APOOL: variants seen among roughly 807,000 people sequenced by gnomAD.
The protein encoded by APOOL is MICOS complex subunit MIC27.
A neutral mutation model predicts 23.1 loss-of-function variants in APOOL; 12 were observed. That is an observed-to-expected ratio of 0.52 (90% CI 0.33 to 0.84). The LOEUF (loss-of-function observed/expected upper bound fraction) is 0.84, where lower values mean the gene tolerates loss of function less well. Ranked by LOEUF, APOOL falls within the 40% of genes least tolerant of loss-of-function variation. The pLI is 0.02. For synonymous variants in APOOL, 77 were observed against 69.9 expected (o/e 1.10, Z -0.51); for missense variants, 212 against 199.6 (o/e 1.06, Z -0.37).
chrX:85,074,694 C>G (rs1288655056), intron 8 of APOOL, among the ~76,000 whole-genome samples: 1 of 109,545 alleles, frequency 9.1e-6, no homozygotes. Flanking sequence ...GAAAATGGGC[C>G]TTTCTAGATT....
intron 1 of APOOL, among the ~76,000 whole-genome samples, chrX:85,034,088 T>G (rs1922132750): frequency 9.0e-6 from 1 of 111,251 alleles, no homozygotes; most frequent in Non-Finnish European, 1.9e-5. Flanking sequence ...GAAAATGTCT[T>G]GTTTCTTTTC....
At chrX:85,072,502 A>G (rs1923703612) in intron 6 of APOOL, among the ~76,000 whole-genome samples, 1 of 110,968 alleles carries the variant, frequency 9.0e-6, no homozygotes. Context: ...CTGAGGAAAT[A>G]CTATAAGGGT....
At chrX:85,020,265 C>G (rs1851046264) in intron 1 of APOOL, among the ~76,000 whole-genome samples, 1 of 111,630 alleles carries the variant, frequency 9.0e-6, no homozygotes, top group Admixed American at 9.5e-5. Context: ...GCTAAGGAAA[C>G]CAAGTGAGAA....
At chrX:85,040,051 A>G (rs1983364421) in intron 1 of APOOL, among the ~76,000 whole-genome samples, 1 of 111,725 alleles carries the variant, frequency 9.0e-6, no homozygotes, top group Admixed American at 9.5e-5. Context: ...TTTCATTTCC[A>G]TGTTTAGCCC....
At chrX:85,050,208 T>C (rs1169381518) in intron 2 of APOOL, among the ~76,000 whole-genome samples, 1 of 111,577 alleles carries the variant, frequency 9.0e-6, no homozygotes, top group Non-Finnish European at 1.9e-5. Flanking sequence ...GACTTACTAC[T>C]GGAAAAGCTT....
At chrX:85,031,826 T>C (rs1922047478) in intron 1 of APOOL, among the ~76,000 whole-genome samples, 1 of 112,202 alleles carries the variant, frequency 8.9e-6, no homozygotes, top group African/African-American at 3.2e-5. Context: ...GAAAGATCAG[T>C]TCAGCATTTC....
In APOOL at chrX:85,087,691, G is replaced by A. The variant is rs950407979; in HGVS notation, c.*13G>A. The A allele has an allele frequency of 2.6e-6, 3 of 1,144,918 alleles. No individual in the cohort carries two copies. The highest frequency in any genetic ancestry group is 2.7e-5 in the Admixed American group (1 of 37,577). The allele number at this position is 1,144,918 out of a possible 1,213,427, so 94.4% of individuals were successfully genotyped here. ...CACTAGAAGCTGAAGTAGACTGCAT[G>A]CAGAGACTACACAGAAAACTACAAG... On this transcript the variant is annotated 3_prime_UTR_variant, in exon 9 of 9. Coordinates refer to ENST00000373173, the MANE Select transcript of APOOL (RefSeq NM_198450.6).
chrX:85,054,973 C>T (rs898443157), intron 4 of APOOL, among the ~76,000 whole-genome samples: 1 of 111,706 alleles, frequency 9.0e-6, no homozygotes, highest in South Asian at 3.7e-4. Context: ...TTATACTTGA[C>T]TCTTTAGCTT....
At chrX:85,023,791 A>C in intron 1 of APOOL, among the ~76,000 whole-genome samples, 1 of 112,452 alleles carries the variant, frequency 8.9e-6, no homozygotes, top group Non-Finnish European at 1.9e-5. Flanking sequence ...AAGAAAGAGA[A>C]TATCACTGCA....
chrX:85,044,580 C>T (rs1922510809), intron 1 of APOOL, among the ~76,000 whole-genome samples: 2 of 111,069 alleles, frequency 1.8e-5, no homozygotes, highest in African/African-American at 6.6e-5. Context: ...CACTCCCGGC[C>T]CTAAGCTCAT....
intron 1 of APOOL, among the ~76,000 whole-genome samples, chrX:85,029,101 A>G (rs935207864): frequency 9.0e-6 from 1 of 111,474 alleles, no homozygotes; most frequent in African/African-American, 3.3e-5. Context: ...TTTTTTGAGG[A>G]ACCTCCAAAG....
At chrX:85,086,345 TA>T (rs1924289574) in intron 8 of APOOL, among the ~76,000 whole-genome samples, 1 of 111,762 alleles carries the variant, frequency 8.9e-6, no homozygotes, top group African/African-American at 3.3e-5. Context: ...GACTCATTTG[TA>T]CTCAGATGTT....
At chrX:85,061,540 T>G (rs1923222113) in intron 5 of APOOL, among the ~76,000 whole-genome samples, 1 of 112,296 alleles carries the variant, frequency 8.9e-6, no homozygotes, top group Non-Finnish European at 1.9e-5. Context: ...AGGCTATTGA[T>G]TATTGCCTCA....
intron 1 of APOOL, among the ~76,000 whole-genome samples, chrX:85,014,208 T>G (rs1262321145): frequency 9.0e-6 from 1 of 111,576 alleles, no homozygotes; most frequent in Non-Finnish European, 1.9e-5. Context: ...TAAGTATATG[T>G]GAGTCCTTAT....
At chrX:85,044,672 T>C (rs1472702271) in intron 1 of APOOL, among the ~76,000 whole-genome samples, 1 of 111,732 alleles carries the variant, frequency 8.9e-6, no homozygotes, top group Non-Finnish European at 1.9e-5. Flanking sequence ...TGGGTGGACC[T>C]TTATTACCTT....
Position 85,088,139 on chromosome X carries a change from C to CATATATGTATACATACATATTTATACAT in APOOL, c.*472_*473insCATACATATTTATACATATATATGTATA, listed in dbSNP as rs1924403093. The CATATATGTATACATACATATTTATACAT allele has an allele frequency of 9.6e-4, 3 of 3,127 alleles. No homozygotes were observed. Among genetic ancestry groups the CATATATGTATACATACATATTTATACAT allele is most frequent in the Non-Finnish European group, 1.6e-3 (3 of 1,856 alleles). 0.3% of individuals were successfully genotyped at this position (3,127 alleles called of 1,213,427 possible). ...ATGTATAAATACATACATATTTATA[C>CATATATGTATACATACATATTTATACAT]ATATATGTATAAATACATACATATT... On this transcript the variant is annotated 3_prime_UTR_variant, in exon 9 of 9. Transcript: ENST00000373173.
At chrX:85,022,127 C>T (rs755035237) in intron 1 of APOOL, among the ~76,000 whole-genome samples, 5 of 112,312 alleles carry the variant, frequency 4.5e-5, no homozygotes, top group Admixed American at 1.9e-4. Context: ...GCCGAGGACA[C>T]GATGGCTTCA....
chrX:85,044,313 C>T (rs1367965193), intron 1 of APOOL, among the ~76,000 whole-genome samples: 6 of 109,196 alleles, frequency 5.5e-5, no homozygotes, highest in African/African-American at 2.0e-4. Flanking sequence ...CAGAGTTTTG[C>T]TCTTGTTGCC....
intron 1 of APOOL, among the ~76,000 whole-genome samples, chrX:85,039,194 T>G (rs755647543): frequency 9.0e-5 from 10 of 111,370 alleles, no homozygotes; most frequent in Non-Finnish European, 1.9e-4. Flanking sequence ...TTGTTTAATT[T>G]CCATGTAATT....
Sources: gnomAD v4.1 joint callset for allele counts (sites outside exome capture counted in the v4.1 genomes callset) on GRCh38, gnomAD v4.1.1 for gene constraint, MANE v1.5 for transcripts, NCBI Gene and HGNC (gene_info 2026-07-23, HGNC 2026-07-21) for gene names.